Variants in AHCYL2 observed in about 807,000 individuals in gnomAD.
AHCYL2 encodes the protein S-adenosylhomocysteine hydrolase-like protein 2.
A neutral mutation model predicts 81.4 loss-of-function variants in AHCYL2; 28 were observed. The observed-to-expected ratio is 0.34, with a 90% CI of 0.25 to 0.47. The LOEUF is 0.47. Among genes scored for constraint, AHCYL2 ranks in the 20% least tolerant of loss-of-function variants. AHCYL2 has a pLI of 1.00. For synonymous variants in AHCYL2, 272 were observed against 290.2 expected (o/e 0.94, Z 0.64); for missense variants, 551 against 785.1 (o/e 0.70, Z 3.56).
Position 129,362,324 on chromosome 7 carries a change from C to T in AHCYL2, c.364-17314C>T, listed in dbSNP as rs139284999. On this transcript the variant is annotated intron_variant, in intron 1 of 16. Coordinates refer to ENST00000325006, the MANE Select transcript of AHCYL2 (RefSeq NM_015328.4). Reference sequence around the variant, plus strand: ...GCTTCCATGTTGAGTCCAAAAAATACCTGTGAGGTATGAATTTTAGATTAC... The same window carrying T: ...GCTTCCATGTTGAGTCCAAAAAATATCTGTGAGGTATGAATTTTAGATTAC... 5.9e-5 allele frequency among the ~76,000 whole-genome samples: 9 copies of T among 152,140 alleles called. No homozygotes were observed. The East Asian group carries it at 1.7e-3, about 29-fold the overall frequency.
intron 4 of AHCYL2, 98 bp from the exon 5 acceptor site, chr7:129,397,124 T>A: frequency 9.8e-7 from 1 of 1,021,162 alleles, no homozygotes; most frequent in Non-Finnish European, 1.4e-6. Flanking sequence ...CTTAAGTCAT[T>A]CCCGTTGTAT....
intron 1 of AHCYL2, among the ~76,000 whole-genome samples, chr7:129,347,702 G>C (rs1202026949): frequency 1.3e-5 from 2 of 152,080 alleles, no homozygotes; most frequent in African/African-American, 4.8e-5. Flanking sequence ...CTGAATTATA[G>C]CTTAATGAAT....
chr7:129,385,635 G>A (rs1349530443), intron 2 of AHCYL2, among the ~76,000 whole-genome samples: 1 of 152,158 alleles, frequency 6.6e-6, no homozygotes, highest in Non-Finnish European at 1.5e-5. Context: ...GATTTTTCCG[G>A]TGGTAGTTGG....
At chr7:129,321,772 G>GTTTTTTTTTTTTTTTTTTTTTTTTT (rs1217148394) in intron 1 of AHCYL2, among the ~76,000 whole-genome samples, 7 of 114,410 alleles carry the variant, frequency 6.1e-5, no homozygotes, top group Non-Finnish European at 1.1e-4. Context: ...TTTGGTCTTG[G>GTTTTTTTTTTTTTTTTTTTTTTTTT]TTTTGTTTTT....
At chr7:129,414,160 C>G (rs1331063900) in intron 12 of AHCYL2, among the ~76,000 whole-genome samples, 1 of 152,118 alleles carries the variant, frequency 6.6e-6, no homozygotes, top group Non-Finnish European at 1.5e-5. Flanking sequence ...CTGTGTGTAT[C>G]AAATACTGCG....
At chr7:129,242,397 T>C (rs1238432151) in intron 1 of AHCYL2, among the ~76,000 whole-genome samples, 1 of 151,778 alleles carries the variant, frequency 6.6e-6, no homozygotes, top group Non-Finnish European at 1.5e-5. Context: ...TGTGAGAGTT[T>C]CTCCAGGATG....
At chr7:129,350,228 T>C (rs1425447985) in intron 1 of AHCYL2, among the ~76,000 whole-genome samples, 1 of 152,182 alleles carries the variant, frequency 6.6e-6, no homozygotes, top group East Asian at 1.9e-4. Flanking sequence ...AGCTCTGATC[T>C]TGGGTCAGTC....
intron 1 of AHCYL2, among the ~76,000 whole-genome samples, chr7:129,266,365 A>C (rs904083882): frequency 3.3e-5 from 5 of 152,236 alleles, no homozygotes; most frequent in Non-Finnish European, 5.9e-5. Context: ...GAAATGCTAA[A>C]GAATTACACC....
chr7:129,346,055 C>T (rs1022603516), intron 1 of AHCYL2, among the ~76,000 whole-genome samples: 1 of 152,134 alleles, frequency 6.6e-6, no homozygotes, highest in African/African-American at 2.4e-5. Context: ...AACATGGTAA[C>T]AGAAAAGATT....
At chr7:129,265,014 G>A (rs1324544585) in intron 1 of AHCYL2, among the ~76,000 whole-genome samples, 1 of 152,164 alleles carries the variant, frequency 6.6e-6, no homozygotes, top group Non-Finnish European at 1.5e-5. Flanking sequence ...ACTTGAGTAA[G>A]TTATATACAT....
rs1283018251 is a variant in AHCYL2 at position 129,426,617 on chromosome 7, C to T, written c.1829+54C>T. ...CACCTGGGCAGTGATGAGCTTCCTG[C>T]ACTGGAATTGGTCTTTGCATCCCCA... On this transcript the variant is annotated intron_variant, in intron 16 of 16. Coordinates refer to ENST00000325006, the MANE Select transcript of AHCYL2 (RefSeq NM_015328.4). This position sits in a 1 kb window ranked among gnomAD's most constrained non-coding sequence, Gnocchi z 4.3. 1 of 1,584,626 alleles carries T rather than the reference C, an allele frequency of 6.3e-7. No individual in the cohort carries two copies. Among genetic ancestry groups the T allele is most frequent in the Non-Finnish European group, 8.6e-7 (1 of 1,167,752 alleles).
At chr7:129,242,763 C>T (rs570082249) in intron 1 of AHCYL2, among the ~76,000 whole-genome samples, 8 of 151,552 alleles carry the variant, frequency 5.3e-5, no homozygotes, top group Admixed American at 2.6e-4. Flanking sequence ...TTTATATCAG[C>T]TTGACAAGAT....
intron 1 of AHCYL2, among the ~76,000 whole-genome samples, chr7:129,343,731 T>C (rs1186678637): frequency 6.6e-6 from 1 of 152,136 alleles, no homozygotes; most frequent in Non-Finnish European, 1.5e-5. Flanking sequence ...GGAGAAAATC[T>C]TCATGACCTT....
At chr7:129,273,277 A>G (rs189900066) in intron 1 of AHCYL2, among the ~76,000 whole-genome samples, 102 of 151,432 alleles carry the variant, frequency 6.7e-4, no homozygotes, top group Admixed American at 1.1e-3. Flanking sequence ...TATGGCCTCA[A>G]AGTAAAGATC....
At chr7:129,294,886 T>A (rs893177150) in intron 1 of AHCYL2, among the ~76,000 whole-genome samples, 2 of 152,222 alleles carry the variant, frequency 1.3e-5, no homozygotes, top group Admixed American at 6.5e-5. Flanking sequence ...AAGATGTTAA[T>A]AATATCTATT....
At chr7:129,300,920 C>T (rs1797237795) in intron 1 of AHCYL2, among the ~76,000 whole-genome samples, 1 of 152,178 alleles carries the variant, frequency 6.6e-6, no homozygotes, top group East Asian at 1.9e-4. Flanking sequence ...CTGCAATCTC[C>T]ACCTCCTGGG....
intron 1 of AHCYL2, among the ~76,000 whole-genome samples, chr7:129,270,461 T>C (rs987002717): frequency 5.9e-5 from 9 of 152,356 alleles, no homozygotes; most frequent in Middle Eastern, 6.8e-3. Context: ...CTCCTTGTTA[T>C]ATGTTTTACA....
At chr7:129,364,355 C>T (rs920626446) in intron 1 of AHCYL2, among the ~76,000 whole-genome samples, 5 of 152,106 alleles carry the variant, frequency 3.3e-5, no homozygotes, top group African/African-American at 7.2e-5. Flanking sequence ...AGTGCAGTGG[C>T]GCGATCTCGG....
intron 1 of AHCYL2, among the ~76,000 whole-genome samples, chr7:129,331,521 A>G (rs955267479): frequency 1.3e-5 from 2 of 152,138 alleles, no homozygotes; most frequent in Non-Finnish European, 2.9e-5. Context: ...AGTGCTTACT[A>G]TTTACCAGAT....
Sources: gnomAD v4.1 joint callset for allele counts (sites outside exome capture counted in the v4.1 genomes callset) on GRCh38, gnomAD v4.1.1 for gene constraint, Gnocchi (gnomAD v3.1) non-coding constraint, MANE v1.5 for transcripts, NCBI Gene and HGNC (gene_info 2026-07-23, HGNC 2026-07-21) for gene names.